SRSF10: variants seen among roughly 807,000 people sequenced by gnomAD.
The protein encoded by SRSF10 is serine and arginine rich splicing factor 10, also known as serine/arginine-rich splicing factor 10.
A neutral mutation model predicts 32.6 loss-of-function variants in SRSF10; 9 were observed. The ratio of observed to expected loss-of-function variants is 0.28; its 90% CI spans 0.17 to 0.48. The LOEUF (loss-of-function observed/expected upper bound fraction) is 0.48, where lower values mean the gene tolerates loss of function less well. Among genes scored for constraint, SRSF10 ranks in the 20% least tolerant of loss-of-function variants. SRSF10 has a pLI of 0.99. For missense variants in SRSF10, 201 were observed against 331.8 expected (o/e 0.61, Z 3.06); for synonymous variants, 105 against 112.4 (o/e 0.93, Z 0.42).
Position 23,971,917 on chromosome 1 carries a change from A to G in SRSF10, c.370T>C (p.Tyr124His). The G allele has an allele frequency of 1.2e-6, 2 of 1,603,126 alleles. No homozygotes were observed. The highest frequency in any genetic ancestry group is 1.7e-6 in the Non-Finnish European group (2 of 1,176,846). The change falls in exon 4 of 6, where the codon TAT (tyrosine) becomes CAT (histidine). Residue 124 changes from tyrosine (Y) to histidine (H), a missense_variant. Coordinates refer to ENST00000492112, the MANE Select transcript of SRSF10 (RefSeq NM_054016.4). ...DRYRRSRSRS[Y>H]ERRRSRSRSF... ...CGACTTCTTGATCTCCTCCTTTCAT[A>G]ACTTCGGCTTCTAGAACGTCTGTAT...
At chr1:23,978,240 T>C (rs1642205677) in intron 2 of SRSF10, 2 of 985,826 alleles carry the variant, frequency 2.0e-6, no homozygotes, top group African/African-American at 1.7e-5. Context: ...TGCTTTCTCT[T>C]TGGGGTCGCC....
Position 23,969,230 on chromosome 1 carries a change from C to T in SRSF10, c.*1912G>A. The T allele has an allele frequency of 1.0e-6, 1 of 985,136 alleles. No individual in the cohort carries two copies. Among genetic ancestry groups the T allele is most frequent in the Non-Finnish European group, 1.2e-6 (1 of 829,316 alleles). 61.0% of individuals were successfully genotyped at this position (985,136 alleles called of 1,614,324 possible). On this transcript the variant is annotated 3_prime_UTR_variant, in exon 6 of 6. Transcript: ENST00000492112. ...ACATATAAAAATACCTTTTTAGAAG[C>T]CTCTATAAGAAAGAAAATACAAAGT... is the stretch of plus-strand genomic sequence containing the variant.
At position 23,970,370 on chromosome 1, in the gene SRSF10, T is replaced by TG. The variant is rs1237704249; in HGVS notation, c.*771_*772insC. 1.0e-6 allele frequency: 1 copy of TG among 984,306 alleles called. No individual in the cohort carries two copies. Among genetic ancestry groups the TG allele is most frequent in the Non-Finnish European group, 1.2e-6 (1 of 829,842 alleles). 61.0% of individuals were successfully genotyped at this position (984,306 alleles called of 1,614,324 possible). A position where few individuals can be genotyped will look rare whatever the true frequency, so the allele number is the denominator to read the frequency against. On this transcript the variant is annotated 3_prime_UTR_variant, in exon 6 of 6. Coordinates refer to ENST00000492112, the MANE Select transcript of SRSF10 (RefSeq NM_054016.4). ...CATTGGCCTAGACATCCGGTTTTTT[T>TG]TTTTTTTTGAGACGGAGTCTCACTC...
chr1:23,976,092 G>A (rs1053536879), intron 2 of SRSF10: 3 of 152,304 alleles, frequency 2.0e-5, no homozygotes, highest in African/African-American at 7.2e-5. Context: ...GATATAAATG[G>A]TTTGGAAAGA....
At position 23,968,860 on chromosome 1, in the gene SRSF10, G is replaced by A. The variant is rs1641587895; in HGVS notation, c.*2282C>T. On this transcript the variant is annotated 3_prime_UTR_variant, in exon 6 of 6. Coordinates refer to ENST00000492112, the MANE Select transcript of SRSF10 (RefSeq NM_054016.4). ...ACCTCTTAAGTTAGTTAACCCAAGAGGCTTAATGAGCAATCATGAAACAAC... is the reference window on the plus strand; with the variant it reads ...ACCTCTTAAGTTAGTTAACCCAAGAAGCTTAATGAGCAATCATGAAACAAC... 6.6e-6 allele frequency among the ~76,000 whole-genome samples: 1 copy of A among 152,048 alleles called. No individual in the cohort carries two copies. The highest frequency in any genetic ancestry group is 1.5e-5 in the Non-Finnish European group (1 of 67,982).
Position 23,970,100 on chromosome 1 carries a change from T to C in SRSF10, c.*1042A>G. On this transcript the variant is annotated 3_prime_UTR_variant, in exon 6 of 6. Transcript: ENST00000492112. The stretch of plus-strand genomic sequence containing the variant: ...GCAATATTATGGTCAACAACGCTCC[T>C]TAAACTTTAGAATAACTACATAAGA... The C allele has an allele frequency of 1.0e-6, 1 of 985,422 alleles. No homozygotes were observed. The highest frequency in any genetic ancestry group is 1.2e-6 in the Non-Finnish European group (1 of 829,900). The allele number at this position is 985,422 out of a possible 1,614,324, so 61.0% of individuals were successfully genotyped here.
rs1167828014 is a variant in SRSF10 at position 23,966,635 on chromosome 1, C to A, written c.*4507G>T. Reference sequence around the variant, plus strand: ...ATTATAGCACCCAGTCTCCTTTATACCTAATGCAAAGTTAAATACTTATTT... The same window carrying A: ...ATTATAGCACCCAGTCTCCTTTATAACTAATGCAAAGTTAAATACTTATTT... On this transcript the variant is annotated 3_prime_UTR_variant, in exon 6 of 6. Transcript: ENST00000492112. The A allele has an allele frequency of 6.6e-6, 1 of 152,094 alleles. No individual in the cohort carries two copies. Among genetic ancestry groups the A allele is most frequent in the African/African-American group, 2.4e-5 (1 of 41,534 alleles). 9.4% of individuals were successfully genotyped at this position (152,094 alleles called of 1,614,324 possible). A position where few individuals can be genotyped will look rare whatever the true frequency, so the allele number is the denominator to read the frequency against.
intron 3 of SRSF10, 72 bp downstream of exon 3, chr1:23,974,902 T>C (rs1256005223): frequency 1.7e-6 from 2 of 1,170,912 alleles, no homozygotes; most frequent in Non-Finnish European, 2.5e-6. Flanking sequence ...ACAAATTGCT[T>C]AAATTCTTAA....
Position 23,966,438 on chromosome 1 carries a change from C to CA in SRSF10, c.*4703dup, listed in dbSNP as rs1473953874. On this transcript the variant is annotated 3_prime_UTR_variant, in exon 6 of 6. Coordinates refer to ENST00000492112, the MANE Select transcript of SRSF10 (RefSeq NM_054016.4). The stretch of plus-strand genomic sequence containing the variant: ...TATCCTAATAAGAAACTAAGGAATC[C>CA]AAAACATTTTGTGATACTATAAAAG... 6.6e-6 allele frequency: 1 copy of CA among 151,724 alleles called. No homozygotes were observed. The highest frequency in any genetic ancestry group is 2.4e-5 in the African/African-American group (1 of 41,358). 9.4% of individuals were successfully genotyped at this position (151,724 alleles called of 1,614,324 possible).
intron 2 of SRSF10, chr1:23,976,082 G>T (rs1280177339): frequency 2.0e-5 from 3 of 152,208 alleles, no homozygotes; most frequent in Admixed American, 6.5e-5. Context: ...GACAGTGTTT[G>T]ATATAAATGG....
At chr1:23,972,723 T>C (rs796442374) in intron 3 of SRSF10, among the ~76,000 whole-genome samples, 1 of 149,008 alleles carries the variant, frequency 6.7e-6, no homozygotes, top group African/African-American at 2.5e-5. Flanking sequence ...ATTACAGGTG[T>C]GAGCCACCGC....
Position 23,970,612 on chromosome 1 carries a change from G to C in SRSF10, c.*530C>G, listed in dbSNP as rs1197674442. 6.0e-5 allele frequency: 56 copies of C among 931,068 alleles called. No homozygotes were observed. The highest frequency in any genetic ancestry group is 7.0e-5 in the Non-Finnish European group (55 of 780,610). The allele number at this position is 931,068 out of a possible 1,614,324, so 57.7% of individuals were successfully genotyped here. ...CTGACCTCGTGATCCGCCCGCCTCG[G>C]CCTCCCAAAGTGCTGGGATTACAGG... On this transcript the variant is annotated 3_prime_UTR_variant, in exon 6 of 6. Transcript: ENST00000492112.
At chr1:23,974,358 T>C (rs969631946) in intron 3 of SRSF10, among the ~76,000 whole-genome samples, 1 of 152,184 alleles carries the variant, frequency 6.6e-6, no homozygotes, top group African/African-American at 2.4e-5. Context: ...AAAACCTGTA[T>C]TCCTGCCTTG....
At position 23,970,177 on chromosome 1, in the gene SRSF10, T is replaced by C. The variant is rs1641660103; in HGVS notation, c.*965A>G. ...TTGCCATCAACGACCTGCTCAAATT[T>C]TAAGGTGAGTTTTTGTGTTTTCTAT... On this transcript the variant is annotated 3_prime_UTR_variant, in exon 6 of 6. Coordinates refer to ENST00000492112, the MANE Select transcript of SRSF10 (RefSeq NM_054016.4). 28 of 985,392 alleles carry C rather than the reference T, an allele frequency of 2.8e-5. No individual in the cohort carries two copies. The highest frequency in any genetic ancestry group is 3.1e-5 in the Non-Finnish European group (26 of 829,934). The allele number at this position is 985,392 out of a possible 1,614,324, so 61.0% of individuals were successfully genotyped here.
intron 3 of SRSF10, among the ~76,000 whole-genome samples, chr1:23,973,005 CA>C (rs1343675179): frequency 6.6e-6 from 1 of 152,128 alleles, no homozygotes; most frequent in Non-Finnish European, 1.5e-5. Context: ...CTTGACCTCC[CA>C]AAGTGCTGGG....
chr1:23,967,927 T>C lies in SRSF10; in HGVS notation c.*3215A>G. Reference sequence around the variant, plus strand: ...CACCTTTCCTCTCTCACTGAAGCATTATCTCTCATTTTTCTTCTTGCTTAC... The same window carrying C: ...CACCTTTCCTCTCTCACTGAAGCATCATCTCTCATTTTTCTTCTTGCTTAC... On this transcript the variant is annotated 3_prime_UTR_variant, in exon 6 of 6. Transcript: ENST00000492112. The C allele has an allele frequency of 1.3e-6, 2 of 1,545,458 alleles. No individual in the cohort carries two copies. The highest frequency in any genetic ancestry group is 1.2e-5 in the South Asian group (1 of 83,814).
chr1:23,975,594 C>A (rs1279611370), intron 2 of SRSF10: 3 of 152,524 alleles, frequency 2.0e-5, no homozygotes, highest in African/African-American at 7.2e-5. Context: ...TTGCTGTTTT[C>A]TTTTTCATAT....
chr1:23,968,370 A>G lies in SRSF10; in HGVS notation c.*2772T>C, dbSNP rs1641561667. On this transcript the variant is annotated 3_prime_UTR_variant, in exon 6 of 6. Transcript: ENST00000492112. ...CTATCTCCTCAATCTACTTCTCTCA[A>G]ATTATAGTCTGTAAAACAAACAAAA... Among the ~76,000 whole-genome samples, 4 of 152,138 alleles carry G rather than the reference A, an allele frequency of 2.6e-5. No individual in the cohort carries two copies. Among genetic ancestry groups the G allele is most frequent in the African/African-American group, 9.7e-5 (4 of 41,440 alleles).
At chr1:23,975,138 T>C in intron 2 of SRSF10, 61 bp from the exon 3 acceptor site, 2 of 1,280,676 alleles carry the variant, frequency 1.6e-6, no homozygotes, top group South Asian at 1.2e-5. Context: ...GAAAGTTCAG[T>C]TGGTATGTCT....
Sources: allele counts gnomAD v4.1 joint callset (sites outside exome capture counted in the v4.1 genomes callset), GRCh38; gene constraint gnomAD v4.1.1; transcripts MANE v1.5; gene names NCBI Gene and HGNC (gene_info 2026-07-23, HGNC 2026-07-21).